Variants in WNT9B observed in about 807,000 individuals in gnomAD.
WNT9B encodes the protein Wnt family member 9B, also known as protein Wnt-9b.
A neutral mutation model predicts 30.2 loss-of-function variants in WNT9B; 12 were observed. The observed-to-expected ratio is 0.40, with a 90% CI of 0.26 to 0.64. The LOEUF (loss-of-function observed/expected upper bound fraction) is 0.64. Ranked by LOEUF, WNT9B falls within the 30% of genes least tolerant of loss-of-function variation. WNT9B has a pLI of 0.42. For missense variants in WNT9B, 442 were observed against 485.2 expected (o/e 0.91, Z 0.84); for synonymous variants, 218 against 216.9 (o/e 1.01, Z -0.05).
chr17:46,875,598 T>C (rs1466909500), intron 3 of WNT9B, among the ~76,000 whole-genome samples: 2 of 152,130 alleles, frequency 1.3e-5, no homozygotes, highest in African/African-American at 4.8e-5. Context: ...GTGTCATTGG[T>C]GGAAGCAGTG....
chr17:46,876,558 G>A lies in WNT9B; in HGVS notation c.914G>A (p.Cys305Tyr), dbSNP rs1351772149. The A allele has an allele frequency of 5.0e-6, 8 of 1,613,670 alleles. No individual in the cohort carries two copies. Among genetic ancestry groups the A allele is most frequent in the Non-Finnish European group, 5.9e-6 (7 of 1,180,014 alleles). Residue 305 changes from cysteine to tyrosine, a missense_variant, in exon 4 of 4, where the codon TGC becomes TAC. Cys to Tyr is a radical substitution (Grantham distance 194). Coordinates refer to ENST00000290015, the MANE Select transcript of WNT9B (RefSeq NM_003396.3). ...KYSPGTAGRV[C>Y]SREASCSSLC... ...TCACCTGGCACAGCAGGTAGGGTGT[G>A]CTCCCGGGAGGCCAGCTGCAGCAGC...
At chr17:46,847,147 C>G (rs777045229), upstream of WNT9B, among the ~76,000 whole-genome samples, 3 of 152,234 alleles carry the variant, frequency 2.0e-5, no homozygotes, top group Non-Finnish European at 4.4e-5. Context: ...ACCTCCAAGG[C>G]AGCCCCTATT....
chr17:46,839,121 G>T (rs774723884), intron 1 of WNT9B, among the ~76,000 whole-genome samples: 2 of 152,080 alleles, frequency 1.3e-5, no homozygotes, highest in African/African-American at 4.8e-5. Flanking sequence ...CAGGAGTTCC[G>T]CCCGCCTCGG....
Position 46,877,847 on chromosome 17 carries a change from G to A in WNT9B, c.*1129G>A, listed in dbSNP as rs2085369763. On this transcript the variant is annotated 3_prime_UTR_variant, in exon 4 of 4. Transcript: ENST00000290015. Reference sequence around the variant, plus strand: ...CCTGGCTGGGGTTATAGGTGCTTGAGTCCTTGCTAAGCCTGGCTCCTGGGT... The same window carrying A: ...CCTGGCTGGGGTTATAGGTGCTTGAATCCTTGCTAAGCCTGGCTCCTGGGT... Among the ~76,000 whole-genome samples, 1 of 152,198 alleles carries A rather than the reference G, an allele frequency of 6.6e-6. No homozygotes were observed. The highest frequency in any genetic ancestry group is 1.5e-5 in the Non-Finnish European group (1 of 68,026).
chr17:46,849,481 G>T (rs181199565), upstream of WNT9B, among the ~76,000 whole-genome samples: 90 of 152,286 alleles, frequency 5.9e-4, no homozygotes, highest in African/African-American at 1.8e-3. Context: ...GGGTCTGTCT[G>T]CCACCCCAGT....
chr17:46,863,300 C>T (rs999877766), intron 1 of WNT9B, among the ~76,000 whole-genome samples: 2 of 152,160 alleles, frequency 1.3e-5, no homozygotes, highest in African/African-American at 2.4e-5. Flanking sequence ...GCACTCCTTG[C>T]GTGGGGTTAG....
At chr17:46,872,207 A>T (rs983769778) in intron 1 of WNT9B, among the ~76,000 whole-genome samples, 15 of 152,228 alleles carry the variant, frequency 9.9e-5, no homozygotes, top group Admixed American at 9.8e-4. Context: ...CCCAGCATGG[A>T]TCCTGGGAAA....
chr17:46,859,523 T>C (rs2084998610), intron 1 of WNT9B, among the ~76,000 whole-genome samples: 1 of 152,216 alleles, frequency 6.6e-6, no homozygotes, highest in Non-Finnish European at 1.5e-5. Flanking sequence ...GCCAATACTA[T>C]ACAGCCTTGA....
chr17:46,872,652 G>A lies in WNT9B; in HGVS notation c.213G>A (p.Glu71=). ...GGCAGAAGCAGCTCTGCCGGAGGGA[G>A]CCCGGCCTGGCTGAGACCCTGAGGG... ...SRRQKQLCRR[E]PGLAETLRDA... The change falls in exon 2 of 4, where the codon GAG becomes GAA. Residue 71 remains glutamate (E), a synonymous_variant. Coordinates refer to ENST00000290015, the MANE Select transcript of WNT9B (RefSeq NM_003396.3). 6.2e-7 allele frequency: 1 copy of A among 1,613,668 alleles called. No homozygotes were observed. Among genetic ancestry groups the A allele is most frequent in the Non-Finnish European group, 8.5e-7 (1 of 1,180,002 alleles).
At chr17:46,841,893 G>C (rs189206989) in intron 1 of WNT9B, among the ~76,000 whole-genome samples, 1 of 151,796 alleles carries the variant, frequency 6.6e-6, no homozygotes, top group Non-Finnish European at 1.5e-5. Context: ...CTCCTCTGCG[G>C]TGTGTGGGGG....
Position 46,878,259 on chromosome 17 carries a change from G to C in WNT9B, c.*1541G>C, listed in dbSNP as rs2085376102. 6.6e-6 allele frequency among the ~76,000 whole-genome samples: 1 copy of C among 152,212 alleles called. No individual in the cohort carries two copies. Among genetic ancestry groups the C allele is most frequent in the Admixed American group, 6.5e-5 (1 of 15,282 alleles). The stretch of plus-strand genomic sequence containing the variant: ...TCAGCTTCCTTTCTCCCTAAACCTA[G>C]AGTTGCTGACCCTTCACCAACACAG... On this transcript the variant is annotated 3_prime_UTR_variant, in exon 4 of 4. Transcript: ENST00000290015.
rs964246432 is a variant in WNT9B, at chr17:46,876,729, C to T, written c.*11C>T. On this transcript the variant is annotated 3_prime_UTR_variant, in exon 4 of 4. Coordinates refer to ENST00000290015, the MANE Select transcript of WNT9B (RefSeq NM_003396.3). ...ACCTGCAAGCACTAGGCCTACTGCCCAGCAAGCCAGTCTGGCACTGCCAGG... is the reference window on the plus strand; with the variant it reads ...ACCTGCAAGCACTAGGCCTACTGCCTAGCAAGCCAGTCTGGCACTGCCAGG... 6.6e-7 allele frequency: 1 copy of T among 1,523,358 alleles called. No homozygotes were observed. Among genetic ancestry groups the T allele is most frequent in the African/African-American group, 1.4e-5 (1 of 72,688 alleles). The allele number at this position is 1,523,358 out of a possible 1,614,324, so 94.4% of individuals were successfully genotyped here.
At position 46,876,279 on chromosome 17, in the gene WNT9B, G is replaced by T; in HGVS notation, c.635G>T (p.Cys212Phe). The T allele has an allele frequency of 3.7e-6, 6 of 1,613,740 alleles. No individual in the cohort carries two copies. The highest frequency in any genetic ancestry group is 4.2e-6 in the Non-Finnish European group (5 of 1,179,766). ...VKSGLRTTCK[C>F]HGVSGSCAVR... ...AGTGGCCTCAGGACCACGTGTAAGT[G>T]CCATGGCGTATCAGGCTCCTGTGCC... Residue 212 changes from cysteine to phenylalanine, a missense_variant, in exon 4 of 4, where the codon TGC (cysteine) becomes TTC (phenylalanine). Transcript: ENST00000290015.
chr17:46,870,784 C>A (rs893070192), intron 1 of WNT9B, among the ~76,000 whole-genome samples: 1 of 152,174 alleles, frequency 6.6e-6, no homozygotes, highest in African/African-American at 2.4e-5. Flanking sequence ...GGAACATGGG[C>A]TTCTCTGACC....
intron 1 of WNT9B, among the ~76,000 whole-genome samples, chr17:46,844,719 C>A (rs976553337): frequency 6.6e-6 from 1 of 152,160 alleles, no homozygotes; most frequent in African/African-American, 2.4e-5. Flanking sequence ...TCTGTGCAGA[C>A]CCAAATCTAT....
chr17:46,868,077 C>G (rs1275222699), intron 1 of WNT9B, among the ~76,000 whole-genome samples: 1 of 152,126 alleles, frequency 6.6e-6, no homozygotes, highest in Non-Finnish European at 1.5e-5. Context: ...CTGAGACAGA[C>G]AGGAATAGTG....
At position 46,879,400 on chromosome 17, in the gene WNT9B, T is replaced by C. The variant is rs1345040245; in HGVS notation, c.*2682T>C. On this transcript the variant is annotated 3_prime_UTR_variant, in exon 4 of 4. Transcript: ENST00000290015. ...CCAGACCCTCCTTGTGATGTTTTTG[T>C]AGATTTTCTGCCCTTCTGGGTCCAG... 6.6e-6 allele frequency among the ~76,000 whole-genome samples: 1 copy of C among 152,242 alleles called. No homozygotes were observed. Among genetic ancestry groups the C allele is most frequent in the Non-Finnish European group, 1.5e-5 (1 of 68,038 alleles).
chr17:46,855,722 G>A (rs1211258937), intron 1 of WNT9B, among the ~76,000 whole-genome samples: 2 of 152,140 alleles, frequency 1.3e-5, no homozygotes, highest in African/African-American at 2.4e-5. Flanking sequence ...ATTTAGAGAC[G>A]GAGTCTCGCT....
chr17:46,840,555 G>T (rs1465600260), intron 1 of WNT9B, among the ~76,000 whole-genome samples: 1 of 152,202 alleles, frequency 6.6e-6, no homozygotes, highest in East Asian at 1.9e-4. Context: ...AAATGATATT[G>T]CTAGTTCTAG....
Sources: gnomAD v4.1 joint callset for allele counts (sites outside exome capture counted in the v4.1 genomes callset) on GRCh38, gnomAD v4.1.1 for gene constraint, MANE v1.5 for transcripts, NCBI Gene and HGNC (gene_info 2026-07-23, HGNC 2026-07-21) for gene names.